Variants in ITPA observed in about 807,000 individuals in gnomAD.
ITPA encodes inosine triphosphate pyrophosphatase.
A neutral mutation model predicts 29.6 loss-of-function variants in ITPA; 29 were observed. The observed-to-expected ratio is 0.98, with a 90% CI of 0.73 to 1.34. ITPA has a LOEUF of 1.34. Among genes scored for constraint, ITPA ranks in the 40% most tolerant of loss-of-function variants. The probability of loss-of-function intolerance (pLI) is 0.00; values close to 1 mark genes in which losing one functional copy is unlikely to be tolerated. For synonymous variants in ITPA, 103 were observed against 99.3 expected (o/e 1.04, Z -0.22); for missense variants, 241 against 251.5 (o/e 0.96, Z 0.28).
upstream of ITPA, among the ~76,000 whole-genome samples, chr20:3,207,413 G>C (rs1465163220): frequency 6.6e-6 from 1 of 152,140 alleles, no homozygotes; most frequent in Non-Finnish European, 1.5e-5. Context: ...GAGAGGTGAG[G>C]CTGGGCACCG....
Position 3,223,842 on chromosome 20 carries a change from C to T in ITPA, c.*380C>T, listed in dbSNP as rs1039781810. 1.5e-5 allele frequency: 4 copies of T among 258,864 alleles called. No individual in the cohort carries two copies. Among genetic ancestry groups the T allele is most frequent in the African/African-American group, 9.0e-5 (4 of 44,382 alleles). 16.0% of individuals were successfully genotyped at this position (258,864 alleles called of 1,614,324 possible). A position where few individuals can be genotyped will look rare whatever the true frequency, so the allele number is the denominator to read the frequency against. On this transcript the variant is annotated 3_prime_UTR_variant, in exon 8 of 8. Coordinates refer to ENST00000380113, the MANE Select transcript of ITPA (RefSeq NM_033453.4). ...GATGAGACTTGTTTCCAAAATAAAC[C>T]AGCTATATCTGTTTTGAACCCTGCC...
At chr20:3,221,681 C>A in intron 6 of ITPA, 160 bp from the exon 7 acceptor site, 1 of 706,964 alleles carries the variant, frequency 1.4e-6, no homozygotes, top group Non-Finnish European at 2.6e-6. Flanking sequence ...TTATTGTATT[C>A]AGCAAACATT....
chr20:3,218,800 G>T (rs4815576), intron 6 of ITPA, 168 bp downstream of exon 6: 2 of 677,474 alleles, frequency 3.0e-6, no homozygotes, highest in South Asian at 1.6e-5. Context: ...GAAGTGCTGT[G>T]GATCCTAGGA....
upstream of ITPA, among the ~76,000 whole-genome samples, chr20:3,206,115 G>A (rs1260041621): frequency 3.3e-5 from 5 of 151,596 alleles, no homozygotes; most frequent in South Asian, 2.1e-4. Context: ...TGGGCTGGGC[G>A]AGGTGGCTCA....
chr20:3,211,733 T>C (rs1030080193), intron 1 of ITPA, among the ~76,000 whole-genome samples: 4 of 152,274 alleles, frequency 2.6e-5, no homozygotes, highest in African/African-American at 9.6e-5. Context: ...CCTCAGGTGA[T>C]CCGCCCGCCA....
In ITPA at chr20:3,216,228, C is replaced by T. The variant is rs552552598; in HGVS notation, c.295+916C>T. Reference sequence around the variant, plus strand: ...AGGCTGGAGTGCAGTGGCATGATCTCGGCTCACTCCAACCTCCACTTCCCG... The same window carrying T: ...AGGCTGGAGTGCAGTGGCATGATCTTGGCTCACTCCAACCTCCACTTCCCG... On this transcript the variant is annotated intron_variant, in intron 5 of 7. Transcript: ENST00000380113. Among the ~76,000 whole-genome samples, 3 of 146,498 alleles carry T rather than the reference C, an allele frequency of 2.0e-5. No individual in the cohort carries two copies. The South Asian group carries it at 6.5e-4, about 32-fold the overall frequency.
Position 3,218,586 on chromosome 20 carries a change from C to T in ITPA, c.365C>T (p.Thr122Ile), listed in dbSNP as rs999244762. Residue 122 changes from threonine (T) to isoleucine (I), a missense_variant, in exon 6 of 8, where the codon ACC (threonine) becomes ATC (isoleucine). By Grantham distance (89) the Thr-to-Ile change is moderately conservative. Coordinates refer to ENST00000380113, the MANE Select transcript of ITPA (RefSeq NM_033453.4). ...AYALCTFALS[T>I]GDPSQPVRLF... is the part of the protein sequence containing the mutation. ...GCGCTCTGCACGTTTGCACTCAGCA[C>T]CGGGGACCCAAGCCAGCCCGTGCGC... 1 of 1,613,938 alleles carries T rather than the reference C, an allele frequency of 6.2e-7. No individual in the cohort carries two copies. The highest frequency in any genetic ancestry group is 8.5e-7 in the Non-Finnish European group (1 of 1,180,024).
rs1175801354 is a variant in ITPA at position 3,215,208 on chromosome 20, G to T, written c.264-73G>T. ...TTCATTTCCCCTTGGCTGTCAATAG[G>T]GAACAGCCTGGAAAAGGTGGTAAGA... On this transcript the variant is annotated intron_variant, in intron 4 of 7. Transcript: ENST00000380113. 5.4e-6 allele frequency: 8 copies of T among 1,471,056 alleles called. No individual in the cohort carries two copies. The Admixed American group carries it at 1.3e-4, about 25-fold the overall frequency. 91.1% of individuals were successfully genotyped at this position (1,471,056 alleles called of 1,614,324 possible). A position where few individuals can be genotyped will look rare whatever the true frequency, so the allele number is the denominator to read the frequency against.
upstream of ITPA, among the ~76,000 whole-genome samples, chr20:3,205,283 C>T (rs1247266758): frequency 3.4e-5 from 5 of 145,784 alleles, no homozygotes; most frequent in Non-Finnish European, 7.5e-5. Flanking sequence ...AGGAGGGAAG[C>T]GGGTTGGGGT....
chr20:3,208,009 A>G (rs1391513865), upstream of ITPA, among the ~76,000 whole-genome samples: 17 of 152,078 alleles, frequency 1.1e-4, no homozygotes, highest in Non-Finnish European at 1.8e-4. Context: ...AAAAAAAAAA[A>G]AAAAGAAAAA....
chr20:3,217,353 G>A (rs749678334), intron 5 of ITPA, among the ~76,000 whole-genome samples: 3 of 152,130 alleles, frequency 2.0e-5, no homozygotes, highest in African/African-American at 7.2e-5. Context: ...TTATCAGCAC[G>A]AGGCCTATTT....
At chr20:3,213,135 A>C in intron 1 of ITPA, 34 bp from the exon 2 acceptor site, 5 of 1,586,186 alleles carry the variant, frequency 3.2e-6, no homozygotes, top group Non-Finnish European at 4.3e-6. Flanking sequence ...GAATCACTAG[A>C]TGGTGATAAG....
chr20:3,222,062 T>C (rs1027584434), intron 7 of ITPA, 145 bp downstream of exon 7: 80 of 800,924 alleles, frequency 1.0e-4, no homozygotes, highest in Non-Finnish European at 1.7e-4. Context: ...GCAGCTCTGC[T>C]GGGGTGGACA....
upstream of ITPA, among the ~76,000 whole-genome samples, chr20:3,204,860 G>GC (rs1466547554): frequency 6.8e-6 from 1 of 147,668 alleles, no homozygotes; most frequent in Non-Finnish European, 1.5e-5. Flanking sequence ...ATCTATGTAT[G>GC]TTTTTTTTTT....
intron 3 of ITPA, 78 bp from the exon 4 acceptor site, chr20:3,213,907 G>C: frequency 6.8e-7 from 1 of 1,462,858 alleles, no homozygotes; most frequent in Non-Finnish European, 9.6e-7. Context: ...GCCCCAGCCT[G>C]GGTGACGCGG....
upstream of ITPA, chr20:3,209,346 T>A: frequency 1.5e-6 from 1 of 653,628 alleles, no homozygotes; most frequent in Non-Finnish European, 2.8e-6. The surrounding 1 kb of genome is among the most constrained non-coding windows in gnomAD (Gnocchi z 4.6). Context: ...GTCTCCAGGC[T>A]CGGGAGGCCC....
chr20:3,207,269 T>G (rs2067078042), upstream of ITPA, among the ~76,000 whole-genome samples: 1 of 152,170 alleles, frequency 6.6e-6, no homozygotes, highest in South Asian at 2.1e-4. Context: ...TTTTGTATTT[T>G]TTGTAGAGAC....
intron 6 of ITPA, among the ~76,000 whole-genome samples, chr20:3,220,233 T>A (rs1314520358): frequency 6.6e-6 from 1 of 151,976 alleles, no homozygotes; most frequent in Non-Finnish European, 1.5e-5. Context: ...AATTTTTGTA[T>A]TTTTGGTAGA....
downstream of ITPA, among the ~76,000 whole-genome samples, chr20:3,225,385 C>T (rs1469165425): frequency 1.3e-5 from 2 of 152,130 alleles, no homozygotes; most frequent in Non-Finnish European, 2.9e-5. Flanking sequence ...CTCCACCCCC[C>T]GCCACACCTC....
Sources: gnomAD v4.1 joint callset for allele counts (sites outside exome capture counted in the v4.1 genomes callset) on GRCh38, gnomAD v4.1.1 for gene constraint, Gnocchi (gnomAD v3.1) non-coding constraint, MANE v1.5 for transcripts, NCBI Gene and HGNC (gene_info 2026-07-23, HGNC 2026-07-21) for gene names.